NAV3: variants seen among roughly 807,000 people sequenced by gnomAD.
NAV3 encodes neuron navigator 3, also known as pore membrane and/or filament interacting like protein 1.
In NAV3, 87 loss-of-function variants were observed where a neutral mutation model predicts 244.7. The observed-to-expected ratio is 0.36, with a 90% CI of 0.30 to 0.42. The LOEUF (loss-of-function observed/expected upper bound fraction) is 0.42, where lower values mean the gene tolerates loss of function less well. Ranked by LOEUF, NAV3 falls within the 20% of genes least tolerant of loss-of-function variation. The pLI is 1.00. For missense variants in NAV3, 2,663 were observed against 2,893.3 expected, an observed-to-expected ratio of 0.92 and a Z score of 1.83; for synonymous variants, 1,126 against 1,042.2, an observed-to-expected ratio of 1.08 and a Z score of -1.55.
chr12:77,885,796 T>G (rs901804508), intron 1 of NAV3, among the ~76,000 whole-genome samples: 3 of 152,148 alleles, frequency 2.0e-5, no homozygotes, highest in Admixed American at 2.0e-4. Context: ...GCTGTCTTGC[T>G]GCTTAAGATG....
rs1958816676 is a variant in NAV3, at chr12:78,188,292, T to C, written c.5835T>C (p.Ser1945=). 6.2e-7 allele frequency: 1 copy of C among 1,611,682 alleles called. No individual in the cohort carries two copies. Among genetic ancestry groups the C allele is most frequent in the Non-Finnish European group, 8.5e-7 (1 of 1,178,374 alleles). Residue 1945 remains serine, a synonymous_variant, in exon 32 of 40, where the codon AGT becomes AGC. Coordinates refer to ENST00000397909, the MANE Select transcript of NAV3 (RefSeq NM_001024383.2). The stretch of plus-strand genomic sequence containing the variant: ...ATTTGATAGGATCCATTGGTGTTAG[T>C]GGAAAAACCAAGTGGGATGTCTTAG... The part of the protein sequence containing the change: ...QAYLIGSIGV[S]GKTKWDVLDG...
chr12:77,821,871 C>G (rs969638867), intron 2 of NAV3, among the ~76,000 whole-genome samples: 4 of 152,130 alleles, frequency 2.6e-5, no homozygotes, highest in African/African-American at 4.8e-5. Context: ...ATAGTTCTTT[C>G]AAGCATAACT....
chr12:78,198,593 A>AT lies in NAV3; in HGVS notation c.6447-5dup. ...TCCAGTAAATTAAAATTTTCTATTT[A>AT]TTTTTTTCTAGTCCATATATTATTG... On this transcript the variant is annotated splice_polypyrimidine_tract_variant and intron_variant, in intron 35 of 39. Transcript: ENST00000397909. 1 of 1,525,344 alleles carries AT rather than the reference A, an allele frequency of 6.6e-7. No individual in the cohort carries two copies. The highest frequency in any genetic ancestry group is 8.9e-7 in the Non-Finnish European group (1 of 1,117,978). The allele number at this position is 1,525,344 out of a possible 1,614,324, so 94.5% of individuals were successfully genotyped here. A position where few individuals can be genotyped will look rare whatever the true frequency, so the allele number is the denominator to read the frequency against.
chr12:77,989,835 G>A (rs1677885), intron 5 of NAV3, among the ~76,000 whole-genome samples: 24,777 of 151,978 alleles, frequency 0.16, 2,127 homozygotes, highest in East Asian at 0.3. Context: ...TTTCTAAAGG[G>A]TAATATAAAT....
intron 8 of NAV3, among the ~76,000 whole-genome samples, chr12:78,016,949 C>A (rs1369553969): frequency 6.6e-6 from 1 of 152,018 alleles, no homozygotes; most frequent in Non-Finnish European, 1.5e-5. Context: ...GCTAAGGGAA[C>A]CTCAAATGCA....
rs1313600811 is a variant in NAV3, at chr12:78,199,537, T to C, written c.6715+6T>C. 7 of 1,558,846 alleles carry C rather than the reference T, an allele frequency of 4.5e-6. No individual in the cohort carries two copies. The highest frequency in any genetic ancestry group is 6.0e-6 in the Non-Finnish European group (7 of 1,157,434). ...TTCTTCTGACGTTACCATTGGTGAG[T>C]TCCAAAATTATAATATGCCATTTTC... On this transcript the variant is annotated splice_donor_region_variant and intron_variant, in intron 37 of 39. Coordinates refer to ENST00000397909, the MANE Select transcript of NAV3 (RefSeq NM_001024383.2).
intron 2 of NAV3, among the ~76,000 whole-genome samples, chr12:77,673,929 A>G (rs1445633758): frequency 6.6e-6 from 1 of 152,120 alleles, no homozygotes; most frequent in Non-Finnish European, 1.5e-5. Flanking sequence ...GTTAGCCTTC[A>G]GAGTCTTAAT....
intron 2 of NAV3, among the ~76,000 whole-genome samples, chr12:77,753,161 T>C (rs528114141): frequency 2.0e-5 from 3 of 152,150 alleles, no homozygotes; most frequent in South Asian, 4.1e-4. Flanking sequence ...TGACAACACA[T>C]AGAAAGTAAA....
chr12:77,963,958 C>T (rs1407661367), intron 3 of NAV3, among the ~76,000 whole-genome samples: 1 of 140,426 alleles, frequency 7.1e-6, no homozygotes, highest in African/African-American at 2.6e-5. Flanking sequence ...CCTCCTTCCT[C>T]CTCCTTCACC....
chr12:78,036,943 C>A (rs1879985633), intron 9 of NAV3: 1 of 702,890 alleles, frequency 1.4e-6, no homozygotes, highest in African/African-American at 1.7e-5. Context: ...AAACAAAAGT[C>A]TCTGACCAAT....
intron 2 of NAV3, among the ~76,000 whole-genome samples, chr12:77,764,319 T>C (rs980460472): frequency 6.6e-6 from 1 of 152,214 alleles, no homozygotes; most frequent in Admixed American, 6.5e-5. Context: ...GCTTGCCACT[T>C]GTCAAATGCA....
chr12:77,625,454 G>A (rs1393173292), intron 2 of NAV3, among the ~76,000 whole-genome samples: 1 of 150,968 alleles, frequency 6.6e-6, no homozygotes, highest in Non-Finnish European at 1.5e-5. Context: ...TAAGGCTCGA[G>A]CTCCTTAAAG....
intron 12 of NAV3, among the ~76,000 whole-genome samples, chr12:78,078,421 A>T (rs1953170388): frequency 1.1e-5 from 1 of 92,274 alleles, no homozygotes; most frequent in African/African-American, 4.3e-5. Context: ...TTTGAGACGG[A>T]GTCTCGCTCT....
intron 22 of NAV3, among the ~76,000 whole-genome samples, chr12:78,155,088 G>A (rs1957248453): frequency 1.3e-5 from 2 of 151,978 alleles, no homozygotes; most frequent in Non-Finnish European, 2.9e-5. Flanking sequence ...GTCAACATAT[G>A]CCATAGTGAT....
At chr12:77,655,196 TA>T (rs768589320) in intron 2 of NAV3, among the ~76,000 whole-genome samples, 27,233 of 151,776 alleles carry the variant, frequency 0.18, 3,230 homozygotes, top group African/African-American at 0.34. Flanking sequence ...GCAAAGAAGA[TA>T]AAAACTTTGA....
At chr12:78,177,767 C>G (rs1048448178) in intron 28 of NAV3, 82 bp downstream of exon 28, 3 of 1,225,330 alleles carry the variant, frequency 2.4e-6, no homozygotes, top group East Asian at 4.9e-5. Context: ...TTTCTAAAAT[C>G]ACTCACATGC....
chr12:77,833,596 T>C (rs1333222132), intron 1 of NAV3, among the ~76,000 whole-genome samples: 6 of 152,162 alleles, frequency 3.9e-5, no homozygotes, highest in African/African-American at 1.4e-4. Flanking sequence ...TGTTACAGTG[T>C]GTTCTTTTAG....
intron 2 of NAV3, among the ~76,000 whole-genome samples, chr12:77,819,474 TG>T (rs1360124570): frequency 6.6e-6 from 1 of 151,858 alleles, no homozygotes; most frequent in African/African-American, 2.4e-5. Context: ...TTGAAGTTTG[TG>T]AAACTTCTTC....
chr12:77,719,838 T>C (rs779895317), intron 2 of NAV3, among the ~76,000 whole-genome samples: 3 of 152,198 alleles, frequency 2.0e-5, no homozygotes, highest in Non-Finnish European at 2.9e-5. Context: ...TTCCTCCTTT[T>C]AAAGTTTTTG....
Sources: gnomAD v4.1 joint callset for allele counts (sites outside exome capture counted in the v4.1 genomes callset) on GRCh38, gnomAD v4.1.1 for gene constraint, MANE v1.5 for transcripts, NCBI Gene and HGNC (gene_info 2026-07-23, HGNC 2026-07-21) for gene names.